NUDT6: variants seen among roughly 807,000 people sequenced by gnomAD.
The protein encoded by NUDT6 is nudix hydrolase 6.
Under a neutral mutation model 36.8 loss-of-function variants are expected in NUDT6, and 24 were observed. The ratio of observed to expected loss-of-function variants is 0.65; its 90% confidence interval spans 0.47 to 0.92. The LOEUF is 0.92. Among genes scored for constraint, NUDT6 ranks in the 40% least tolerant of loss-of-function variants. The probability of loss-of-function intolerance (pLI) is 0.00; values close to 1 mark genes in which losing one functional copy is unlikely to be tolerated. For synonymous variants in NUDT6, 163 were observed against 157.0 expected (o/e 1.04, Z -0.29); for missense variants, 388 against 392.8 (o/e 0.99, Z 0.10).
chr4:122,898,148 GTA>G (rs1206858558), intron 3 of NUDT6: 2 of 152,950 alleles, frequency 1.3e-5, no homozygotes, highest in Non-Finnish European at 2.9e-5. Flanking sequence ...TATTTCTATT[GTA>G]TGTGTTAATG....
At chr4:122,898,160 G>A (rs772680808) in intron 3 of NUDT6, 4 of 152,534 alleles carry the variant, frequency 2.6e-5, no homozygotes, top group Non-Finnish European at 4.4e-5. Context: ...ATGTGTTAAT[G>A]ATTTTATGTA....
intron 3 of NUDT6, among the ~76,000 whole-genome samples, chr4:122,912,185 AG>A (rs1394572312): frequency 1.3e-5 from 2 of 152,178 alleles, no homozygotes; most frequent in Non-Finnish European, 2.9e-5. Context: ...AGTAAGCTGC[AG>A]GGCATAAGGT....
At chr4:122,912,723 A>T (rs961694770) in intron 2 of NUDT6, 100 bp from the exon 3 acceptor site, 22 of 742,096 alleles carry the variant, frequency 3.0e-5, no homozygotes, top group Middle Eastern at 2.4e-4. Flanking sequence ...TTCTACCCAT[A>T]CTTGAAGCCT....
At chr4:122,893,249 A>C in intron 4 of NUDT6, 24 bp from the exon 5 acceptor site, 1 of 1,552,158 alleles carries the variant, frequency 6.4e-7, no homozygotes, top group South Asian at 1.2e-5. Flanking sequence ...GAGATGTACA[A>C]ATCAATAATA....
Position 122,892,803 on chromosome 4 carries a change from T to A in NUDT6, c.*25A>T, listed in dbSNP as rs753637879. The A allele has an allele frequency of 1.6e-5, 24 of 1,540,598 alleles. No individual in the cohort carries two copies. Among genetic ancestry groups the A allele is most frequent in the Middle Eastern group, 1.8e-4 (1 of 5,522 alleles). On this transcript the variant is annotated 3_prime_UTR_variant, in exon 5 of 5. Coordinates refer to ENST00000304430, the MANE Select transcript of NUDT6 (RefSeq NM_007083.5). ...TTCTTATGTCATTCGTTAGTCTACATGTTTCTAAACATATAAATGTGAATT... is the reference window on the plus strand; with the variant it reads ...TTCTTATGTCATTCGTTAGTCTACAAGTTTCTAAACATATAAATGTGAATT...
intron 3 of NUDT6, among the ~76,000 whole-genome samples, chr4:122,902,540 TTTTA>T (rs1727545519): frequency 6.6e-6 from 1 of 152,200 alleles, no homozygotes; most frequent in Non-Finnish European, 1.5e-5. Context: ...TATTCATTCG[TTTTA>T]TTATTTGTAT....
chr4:122,895,198 G>A (rs190613209), intron 4 of NUDT6: 20 of 152,306 alleles, frequency 1.3e-4, no homozygotes, highest in African/African-American at 4.8e-4. Flanking sequence ...TTTTAATCAA[G>A]ATAGTGTGCT....
In NUDT6 at chr4:122,922,298, T is replaced by TGGAGCCCCG; in HGVS notation, c.238+28_238+36dup. 3 of 1,556,498 alleles carry TGGAGCCCCG rather than the reference T, an allele frequency of 1.9e-6. No homozygotes were observed. The South Asian group carries it at 3.4e-5, about 18-fold the overall frequency. On this transcript the variant is annotated intron_variant, in intron 1 of 4. Coordinates refer to ENST00000304430, the MANE Select transcript of NUDT6 (RefSeq NM_007083.5). The stretch of plus-strand genomic sequence containing the variant: ...CGCGGTTATTTCATTAGAAAAGCTC[T>TGGAGCCCCG]GGAGCCCCGGGAGCCCTTCGTCCCA...
intron 1 of NUDT6, 97 bp downstream of exon 1, chr4:122,922,238 G>T: frequency 9.8e-7 from 1 of 1,022,702 alleles, no homozygotes; most frequent in South Asian, 1.6e-5. Context: ...CTCTGGGCTC[G>T]ACAGTGGTGC....
At chr4:122,915,301 C>A (rs1727806390) in intron 2 of NUDT6, among the ~76,000 whole-genome samples, 1 of 151,904 alleles carries the variant, frequency 6.6e-6, no homozygotes. Context: ...GAAACCCTAT[C>A]TTTGCAAAAA....
intron 1 of NUDT6, chr4:122,921,613 A>AAC (rs1455694593): frequency 1.5e-5 from 2 of 135,634 alleles, no homozygotes; most frequent in African/African-American, 5.3e-5. Context: ...AAAAAAAAAA[A>AAC]AAAAACAAAC....
intron 3 of NUDT6, among the ~76,000 whole-genome samples, chr4:122,902,856 C>T (rs887855817): frequency 3.3e-5 from 5 of 151,928 alleles, no homozygotes; most frequent in Non-Finnish European, 7.4e-5. Flanking sequence ...TGCATATGCT[C>T]GTGTTGAGGG....
chr4:122,901,894 A>C (rs1392503310), intron 3 of NUDT6, among the ~76,000 whole-genome samples: 1 of 152,122 alleles, frequency 6.6e-6, no homozygotes, highest in Non-Finnish European at 1.5e-5. Context: ...AAAGACTACT[A>C]ATTTCTTTCA....
chr4:122,912,956 T>C (rs56211136), intron 2 of NUDT6, among the ~76,000 whole-genome samples: 3,252 of 152,346 alleles, frequency 0.021, 60 homozygotes, highest in Non-Finnish European at 0.035. Flanking sequence ...GAAAACAGTT[T>C]TGACTGCATT....
At position 122,922,111 on chromosome 4, in the gene NUDT6, C is replaced by A. The variant is rs531442051; in HGVS notation, c.238+224G>T. ...TGGACCAGCAACCAGGGTTGCAGAT[C>A]CCAAAGTCCGGGATCTTCACCATTT... is the stretch of plus-strand genomic sequence containing the variant. On this transcript the variant is annotated intron_variant, in intron 1 of 4. Transcript: ENST00000304430. 9.5e-4 allele frequency: 389 copies of A among 410,502 alleles called. 1 individual carries two copies. Among genetic ancestry groups the A allele is most frequent in the South Asian group, 2.4e-3 (24 of 10,030 alleles). 25.4% of individuals were successfully genotyped at this position (410,502 alleles called of 1,614,324 possible).
At chr4:122,896,578 A>G (rs1015358906) in intron 4 of NUDT6, 1 of 152,202 alleles carries the variant, frequency 6.6e-6, no homozygotes, top group Non-Finnish European at 1.5e-5. Flanking sequence ...CTACAAAATC[A>G]TCTTTTATAT....
intron 3 of NUDT6, among the ~76,000 whole-genome samples, chr4:122,901,890 T>C (rs575956000): frequency 4.6e-5 from 7 of 152,282 alleles, no homozygotes; most frequent in Admixed American, 1.3e-4. Context: ...CTTAAAAGAC[T>C]ACTAATTTCT....
At position 122,909,921 on chromosome 4, in the gene NUDT6, T is replaced by C. The variant is rs115609362; in HGVS notation, c.498+2647A>G. ...CTGTGGATTGAGTTTTCCCCTACAA[T>C]GGGATGACGCCTATTTATTTGTTTT... On this transcript the variant is annotated intron_variant, in intron 3 of 4. Coordinates refer to ENST00000304430, the MANE Select transcript of NUDT6 (RefSeq NM_007083.5). 7.9e-3 allele frequency among the ~76,000 whole-genome samples: 1,197 copies of C among 152,334 alleles called. 22 individuals are homozygous for C. Among genetic ancestry groups the C allele is most frequent in the African/African-American group, 0.027 (1,137 of 41,576 alleles).
At chr4:122,902,822 A>C (rs13146863) in intron 3 of NUDT6, among the ~76,000 whole-genome samples, 1 of 148,710 alleles carries the variant, frequency 6.7e-6, no homozygotes, top group Admixed American at 6.7e-5. Context: ...TGTGAATGTC[A>C]ATTTAGATAT....
Sources: allele counts gnomAD v4.1 joint callset (sites outside exome capture counted in the v4.1 genomes callset), GRCh38; gene constraint gnomAD v4.1.1; transcripts MANE v1.5; gene names NCBI Gene and HGNC (gene_info 2026-07-23, HGNC 2026-07-21).